The following SNCAIP variants were observed in gnomAD, a reference collection of about 807,000 sequenced individuals.
SNCAIP encodes the protein synuclein alpha interacting protein.
A neutral mutation model predicts 86.7 loss-of-function variants in SNCAIP; 43 were observed. The ratio of observed to expected loss-of-function variants is 0.50; its 90% CI spans 0.39 to 0.64. The LOEUF (loss-of-function observed/expected upper bound fraction) is 0.64, where lower values mean the gene tolerates loss of function less well. Among genes scored for constraint, SNCAIP ranks in the 30% least tolerant of loss-of-function variants. SNCAIP has a pLI of 0.00. For synonymous variants in SNCAIP, 417 were observed against 427.2 expected (o/e 0.98, Z 0.29); for missense variants, 981 against 1,103.1 (o/e 0.89, Z 1.57).
chr5:122,405,637 AC>A (rs1581039821), intron 3 of SNCAIP, among the ~76,000 whole-genome samples: 1 of 152,144 alleles, frequency 6.6e-6, no homozygotes, highest in South Asian at 2.1e-4. Context: ...TACATATACT[AC>A]CCTTCCAGAT....
At chr5:122,354,467 C>T (rs1760602178) in intron 1 of SNCAIP, among the ~76,000 whole-genome samples, 1 of 152,132 alleles carries the variant, frequency 6.6e-6, no homozygotes, top group Non-Finnish European at 1.5e-5. Context: ...CATCACTGGG[C>T]TCCCAGGCTT....
chr5:122,328,036 T>A (rs1754475050), intron 1 of SNCAIP, among the ~76,000 whole-genome samples: 1 of 152,156 alleles, frequency 6.6e-6, no homozygotes, highest in South Asian at 2.1e-4. Context: ...TAGACAGAAC[T>A]TGGGAAACTA....
chr5:122,454,147 C>T (rs765247894), intron 10 of SNCAIP, among the ~76,000 whole-genome samples: 46 of 152,296 alleles, frequency 3.0e-4, no homozygotes, highest in Non-Finnish European at 1.3e-4. Flanking sequence ...CCAAAGCATG[C>T]ATGTGGGTAG....
At chr5:122,365,144 C>T (rs1165118871) in intron 1 of SNCAIP, among the ~76,000 whole-genome samples, 2 of 152,138 alleles carry the variant, frequency 1.3e-5, no homozygotes, top group East Asian at 3.9e-4. Flanking sequence ...TTATTTACTC[C>T]TGTGAAATGT....
chr5:122,443,494 G>A (rs1581311436), intron 7 of SNCAIP: 1 of 380,314 alleles, frequency 2.6e-6, no homozygotes, highest in Non-Finnish European at 5.3e-6. Flanking sequence ...CCTTTCTTAT[G>A]ACTATTAAAA....
intron 1 of SNCAIP, among the ~76,000 whole-genome samples, chr5:122,315,337 G>C (rs567802135): frequency 1.4e-4 from 22 of 152,280 alleles, no homozygotes; most frequent in African/African-American, 5.3e-4. Context: ...ACTCCCCTTG[G>C]CTTCTTTACA....
intron 8 of SNCAIP, among the ~76,000 whole-genome samples, chr5:122,446,993 C>T (rs912723392): frequency 6.6e-6 from 1 of 152,168 alleles, no homozygotes. Context: ...GGAGACAGCA[C>T]CTTTACAGAA....
intron 10 of SNCAIP, among the ~76,000 whole-genome samples, chr5:122,455,334 A>T (rs770689697): frequency 1.3e-5 from 2 of 152,226 alleles, no homozygotes; most frequent in African/African-American, 2.4e-5. Context: ...AATTAAGACT[A>T]GAGTGGGAAT....
At position 122,440,767 on chromosome 5, in the gene SNCAIP, T is replaced by A; in HGVS notation, c.1422+13T>A. The A allele has an allele frequency of 6.2e-7, 1 of 1,613,190 alleles. No homozygotes were observed. The highest frequency in any genetic ancestry group is 2.2e-5 in the East Asian group (1 of 44,870). On this transcript the variant is annotated intron_variant, in intron 7 of 10. Coordinates refer to ENST00000261368, the MANE Select transcript of SNCAIP (RefSeq NM_005460.4). ...TGGATGCATACAGGTACACAGGCCC[T>A]GCTGTTTTGCAATGAGAAATGAGTA...
Position 122,449,975 on chromosome 5 carries a change from T to C in SNCAIP, c.1685+38T>C, listed in dbSNP as rs74457442. 324 of 1,375,330 alleles carry C rather than the reference T, an allele frequency of 2.4e-4. 1 individual carries two copies. The African/African-American group carries it at 4.0e-3, about 17-fold the overall frequency. The allele number at this position is 1,375,330 out of a possible 1,614,324, so 85.2% of individuals were successfully genotyped here. ...CATTGTTGTTTAGCATTCTTAAGTATCCTAAATTGTTAAGCCTTCTTCTGA... is the reference window on the plus strand; with the variant it reads ...CATTGTTGTTTAGCATTCTTAAGTACCCTAAATTGTTAAGCCTTCTTCTGA... On this transcript the variant is annotated intron_variant, in intron 9 of 10. Transcript: ENST00000261368.
chr5:122,415,245 A>G (rs1367341720), intron 3 of SNCAIP, among the ~76,000 whole-genome samples: 2 of 152,204 alleles, frequency 1.3e-5, no homozygotes, highest in African/African-American at 4.8e-5. Flanking sequence ...AGTTCAGGCC[A>G]TGGTAGGAGC....
intron 1 of SNCAIP, among the ~76,000 whole-genome samples, chr5:122,363,096 A>C (rs1406304873): frequency 6.6e-6 from 1 of 151,074 alleles, no homozygotes; most frequent in Non-Finnish European, 1.5e-5. Flanking sequence ...TCCCAGGATC[A>C]AGCGATTCTC....
At chr5:122,354,386 A>T (rs1760580014) in intron 1 of SNCAIP, among the ~76,000 whole-genome samples, 1 of 152,124 alleles carries the variant, frequency 6.6e-6, no homozygotes, top group Non-Finnish European at 1.5e-5. Flanking sequence ...AAGCAGAGAG[A>T]TTTCTTGCGA....
chr5:122,339,134 T>C (rs1211146647), intron 1 of SNCAIP, among the ~76,000 whole-genome samples: 2 of 152,178 alleles, frequency 1.3e-5, no homozygotes, highest in Non-Finnish European at 2.9e-5. Flanking sequence ...GGGAATGCAA[T>C]GCCAGTTTCT....
chr5:122,349,116 A>G (rs553671642), intron 1 of SNCAIP, among the ~76,000 whole-genome samples: 3 of 152,304 alleles, frequency 2.0e-5, no homozygotes, highest in African/African-American at 4.8e-5. Context: ...TGAATTTTCT[A>G]TCACAATTAA....
intron 1 of SNCAIP, among the ~76,000 whole-genome samples, chr5:122,343,547 A>C (rs1758004401): frequency 6.6e-6 from 1 of 152,312 alleles, no homozygotes; most frequent in East Asian, 1.9e-4. Flanking sequence ...ATGTTTTGTA[A>C]ATGAATCATC....
intron 3 of SNCAIP, among the ~76,000 whole-genome samples, chr5:122,406,976 T>C (rs1773138432): frequency 6.6e-6 from 1 of 152,240 alleles, no homozygotes; most frequent in Non-Finnish European, 1.5e-5. Flanking sequence ...ACATATTATA[T>C]CTTTGACCAG....
At chr5:122,341,635 T>C (rs536494064) in intron 1 of SNCAIP, among the ~76,000 whole-genome samples, 5 of 152,338 alleles carry the variant, frequency 3.3e-5, no homozygotes, top group South Asian at 4.1e-4. Flanking sequence ...TTTGCCCTTT[T>C]ATTTGGAAAA....
At chr5:122,365,886 G>C (rs1763087382) in intron 1 of SNCAIP, among the ~76,000 whole-genome samples, 1 of 152,126 alleles carries the variant, frequency 6.6e-6, no homozygotes, top group Admixed American at 6.5e-5. Flanking sequence ...AGTATGTCGA[G>C]CGTCATTTGC....
Sources: gnomAD v4.1 joint callset for allele counts (sites outside exome capture counted in the v4.1 genomes callset) on GRCh38, gnomAD v4.1.1 for gene constraint, MANE v1.5 for transcripts, NCBI Gene and HGNC (gene_info 2026-07-23, HGNC 2026-07-21) for gene names.